ARSB: variants seen among roughly 807,000 people sequenced by gnomAD.
The protein encoded by ARSB is N-acetylgalactosamine-4-sulfatase.
A neutral mutation model predicts 50.9 loss-of-function variants in ARSB; 41 were observed. The ratio of observed to expected loss-of-function variants is 0.81; its 90% CI spans 0.63 to 1.04. The LOEUF is 1.04. Ranked by LOEUF, ARSB falls within the 50% of genes least tolerant of loss-of-function variation. The pLI is 0.00. For missense variants in ARSB, 672 were observed against 693.3 expected (o/e 0.97, Z 0.35); for synonymous variants, 269 against 284.8 (o/e 0.94, Z 0.56).
chr5:78,801,273 T>C (rs980361603), intron 6 of ARSB, among the ~76,000 whole-genome samples: 1 of 152,196 alleles, frequency 6.6e-6, no homozygotes, highest in Admixed American at 6.5e-5. Context: ...TGGAAGGGGA[T>C]AGTCTACATT....
Position 78,862,997 on chromosome 5 carries a change from A to G in ARSB, c.1142+22587T>C, listed in dbSNP as rs899598882. Among the ~76,000 whole-genome samples, 7 of 152,248 alleles carry G rather than the reference A, an allele frequency of 4.6e-5. No homozygotes were observed. The East Asian group carries it at 7.7e-4, about 17-fold the overall frequency. ...AGACATTTATGCAGCCAACAGACGC[A>G]TGAAAAAAATGCTCATCATCACTGG... is the stretch of plus-strand genomic sequence containing the variant. On this transcript the variant is annotated intron_variant, in intron 5 of 7. Coordinates refer to ENST00000264914, the MANE Select transcript of ARSB (RefSeq NM_000046.5).
intron 4 of ARSB, among the ~76,000 whole-genome samples, chr5:78,945,405 C>A (rs142913300): frequency 6.6e-6 from 1 of 152,140 alleles, no homozygotes; most frequent in East Asian, 1.9e-4. Flanking sequence ...TGTTCCTATT[C>A]GGCCATCTTG....
chr5:78,985,151 G>T lies in ARSB; in HGVS notation c.98C>A (p.Ala33Glu), dbSNP rs201168448. The change falls in exon 1 of 8, where the codon GCG becomes GAG. Residue 33 changes from alanine (A) to glutamate (E), a missense_variant. Coordinates refer to ENST00000264914, the MANE Select transcript of ARSB (RefSeq NM_000046.5). ...GGCCCCGGCGCCCGAGCCCGGCGGC[G>T]CCAACAACAGCAGCAGCAGCAGCGG... ...VLPLLLLLLL[A>E]PPGSGAGASR... is the part of the protein sequence containing the mutation. The T allele has an allele frequency of 6.9e-7, 1 of 1,453,294 alleles. No individual in the cohort carries two copies. The allele number at this position is 1,453,294 out of a possible 1,614,324, so 90.0% of individuals were successfully genotyped here. A position where few individuals can be genotyped will look rare whatever the true frequency, so the allele number is the denominator to read the frequency against.
At chr5:78,880,752 T>C (rs1332676655) in intron 5 of ARSB, among the ~76,000 whole-genome samples, 1 of 152,226 alleles carries the variant, frequency 6.6e-6, no homozygotes, top group Admixed American at 6.5e-5. Context: ...GAATGTGTAA[T>C]CAATTTCTAA....
At chr5:78,815,888 A>C in intron 6 of ARSB, 1 of 1,428,480 alleles carries the variant, frequency 7.0e-7, no homozygotes, top group Non-Finnish European at 9.1e-7. Flanking sequence ...TTTATGGTTG[A>C]TCTAAGTAAG....
intron 5 of ARSB, among the ~76,000 whole-genome samples, chr5:78,850,656 C>T (rs1214462579): frequency 6.6e-6 from 1 of 152,158 alleles, no homozygotes; most frequent in African/African-American, 2.4e-5. Flanking sequence ...CCTTGTACCT[C>T]TGGTAGAATT....
chr5:78,850,744 A>T (rs1430813249), intron 5 of ARSB, among the ~76,000 whole-genome samples: 10 of 152,082 alleles, frequency 6.6e-5, no homozygotes, highest in Admixed American at 5.9e-4. Context: ...AGAGCCTGTT[A>T]TTGGTCTATT....
intron 6 of ARSB, among the ~76,000 whole-genome samples, chr5:78,831,991 G>A (rs895684234): frequency 6.6e-6 from 1 of 152,084 alleles, no homozygotes; most frequent in Non-Finnish European, 1.5e-5. Flanking sequence ...TTATTAGCGT[G>A]CATTCTTTCA....
At chr5:78,843,741 G>A (rs1264627148) in intron 5 of ARSB, among the ~76,000 whole-genome samples, 5 of 152,102 alleles carry the variant, frequency 3.3e-5, no homozygotes, top group Admixed American at 1.3e-4. Context: ...AGCCCTAGCC[G>A]ATTGTTAATC....
intron 3 of ARSB, among the ~76,000 whole-genome samples, chr5:78,963,159 A>AT (rs1752065884): frequency 1.3e-5 from 2 of 152,122 alleles, no homozygotes; most frequent in South Asian, 4.1e-4. Flanking sequence ...TGGTTGTTAG[A>AT]AAGAGCCTGG....
At chr5:78,937,600 T>C (rs1750692339) in intron 4 of ARSB, among the ~76,000 whole-genome samples, 2 of 151,270 alleles carry the variant, frequency 1.3e-5, no homozygotes, top group South Asian at 2.1e-4. Flanking sequence ...TAGCATAGTA[T>C]ATATTAAGTA....
At chr5:78,879,566 T>C (rs903913479) in intron 5 of ARSB, among the ~76,000 whole-genome samples, 2 of 152,254 alleles carry the variant, frequency 1.3e-5, no homozygotes, top group Non-Finnish European at 2.9e-5. Context: ...GCATTCCTAT[T>C]TCACGAGCCT....
At chr5:78,979,272 A>G (rs776167258) in intron 1 of ARSB, among the ~76,000 whole-genome samples, 3 of 152,226 alleles carry the variant, frequency 2.0e-5, no homozygotes, top group Admixed American at 6.5e-5. Flanking sequence ...GAAAATCAAA[A>G]CTACAATTAA....
At chr5:78,874,861 C>T (rs1257386516) in intron 5 of ARSB, among the ~76,000 whole-genome samples, 2 of 152,116 alleles carry the variant, frequency 1.3e-5, no homozygotes, top group African/African-American at 2.4e-5. Context: ...GTAATCCCAG[C>T]GCTTTGGGAG....
At chr5:78,968,096 CCTT>C (rs558844197) in intron 2 of ARSB, among the ~76,000 whole-genome samples, 179 of 151,978 alleles carry the variant, frequency 1.2e-3, no homozygotes, top group Admixed American at 4.5e-3. Context: ...TTCTTATTAT[CCTT>C]CTTATTACCA....
At position 78,981,161 on chromosome 5, in the gene ARSB, G is replaced by A. The variant is rs1421973971; in HGVS notation, c.312+3776C>T. On this transcript the variant is annotated intron_variant, in intron 1 of 7. Transcript: ENST00000264914. ...GAGACGGGGTTTCACCGTTTTAGCC[G>A]GGATGGTCTCGATCTCCTGACCTCG... 3.1e-4 allele frequency among the ~76,000 whole-genome samples: 2 copies of A among 6,492 alleles called. 1 individual carries two copies. The highest frequency in any genetic ancestry group is 5.1e-4 in the Non-Finnish European group (2 of 3,940). 4.3% of individuals were successfully genotyped at this position (6,492 alleles called of 152,430 possible).
At chr5:78,970,784 T>C (rs569862480) in intron 1 of ARSB, among the ~76,000 whole-genome samples, 1 of 152,184 alleles carries the variant, frequency 6.6e-6, no homozygotes, top group African/African-American at 2.4e-5. Context: ...CATGATCTCA[T>C]CTCTACTAAA....
intron 1 of ARSB, among the ~76,000 whole-genome samples, chr5:78,982,357 G>T (rs973664355): frequency 6.6e-6 from 1 of 152,124 alleles, no homozygotes; most frequent in African/African-American, 2.4e-5. Flanking sequence ...ATGGAATATA[G>T]GCAATTCCTA....
rs1165168543 is a variant in ARSB at position 78,871,997 on chromosome 5, C to T, written c.1142+13587G>A. Reference sequence around the variant, plus strand: ...AAAAACAAACAACCCCATCAAAAAGCGGGCGAAGGACATGAACAGACACTT... The same window carrying T: ...AAAAACAAACAACCCCATCAAAAAGTGGGCGAAGGACATGAACAGACACTT... On this transcript the variant is annotated intron_variant, in intron 5 of 7. Transcript: ENST00000264914. Among the ~76,000 whole-genome samples the T allele has an allele frequency of 6.6e-5, 10 of 151,920 alleles. No individual in the cohort carries two copies. The South Asian group carries it at 8.4e-4, about 13-fold the overall frequency.
Sources: allele counts gnomAD v4.1 joint callset (sites outside exome capture counted in the v4.1 genomes callset), GRCh38; gene constraint gnomAD v4.1.1; transcripts MANE v1.5; gene names NCBI Gene and HGNC (gene_info 2026-07-23, HGNC 2026-07-21).